The following FGF14 variants were observed in gnomAD, a reference collection of about 807,000 sequenced individuals.
FGF14 encodes the protein fibroblast growth factor 14, also known as fibroblast growth factor homologous factor 4.
A neutral mutation model predicts 25.5 loss-of-function variants in FGF14; 5 were observed. The ratio of observed to expected loss-of-function variants is 0.20; its 90% CI spans 0.10 to 0.41. The LOEUF (loss-of-function observed/expected upper bound fraction) is 0.41. Ranked by LOEUF, FGF14 falls within the 10% of genes least tolerant of loss-of-function variation. The pLI is 1.00. For missense variants in FGF14, 222 were observed against 320.1 expected (o/e 0.69, Z 2.34); for synonymous variants, 138 against 118.3 (o/e 1.17, Z -1.08).
At chr13:102,175,079 G>T (rs2048391994) in intron 1 of FGF14, among the ~76,000 whole-genome samples, 1 of 152,040 alleles carries the variant, frequency 6.6e-6, no homozygotes, top group Admixed American at 6.6e-5. Flanking sequence ...CAATGTCATA[G>T]AAATAGAAAA....
At chr13:102,023,275 C>G (rs963047113) in intron 1 of FGF14, among the ~76,000 whole-genome samples, 2 of 151,966 alleles carry the variant, frequency 1.3e-5, no homozygotes, top group African/African-American at 4.8e-5. Flanking sequence ...AATATATGAA[C>G]TTAAAGTCAA....
chr13:101,978,832 G>A (rs1203196564), intron 1 of FGF14, among the ~76,000 whole-genome samples: 1 of 152,160 alleles, frequency 6.6e-6, no homozygotes, highest in Non-Finnish European at 1.5e-5. Flanking sequence ...CCTGGAAGAG[G>A]AGAATTAATT....
In FGF14 at chr13:102,378,595, A is replaced by ATATCTATCTATC. The variant is rs4000839; in HGVS notation, c.208+22864_208+22875dup. On this transcript the variant is annotated intron_variant, in intron 1 of 4. Coordinates refer to the FGF14 transcript ENST00000376131. ...TACATTAAGTATGTTATATATATCTATATCTATCTATCTATCTATCTATCT... is the reference window on the plus strand; with the variant it reads ...TACATTAAGTATGTTATATATATCTATATCTATCTATCTATCTATCTATCTATCTATCTATCT... 5.5e-3 allele frequency among the ~76,000 whole-genome samples: 772 copies of ATATCTATCTATC among 140,414 alleles called. 4 individuals carry two copies. Among genetic ancestry groups the ATATCTATCTATC allele is most frequent in the Middle Eastern group, 8.1e-3 (2 of 248 alleles). The allele number at this position is 140,414 out of a possible 152,430, so 92.1% of individuals were successfully genotyped here.
chr13:101,872,186 G>C (rs1039074757), intron 2 of FGF14, among the ~76,000 whole-genome samples: 1 of 150,876 alleles, frequency 6.6e-6, no homozygotes, highest in Non-Finnish European at 1.5e-5. Flanking sequence ...TGAGTTTTTG[G>C]TTTTTTTAAA....
At chr13:101,846,125 A>G (rs1006389825) in intron 3 of FGF14, among the ~76,000 whole-genome samples, 2 of 152,018 alleles carry the variant, frequency 1.3e-5, no homozygotes, top group Non-Finnish European at 2.9e-5. Context: ...TAAAACTAGT[A>G]ATAATTAGTG....
At chr13:102,179,687 C>T (rs2048589860) in intron 1 of FGF14, among the ~76,000 whole-genome samples, 2 of 152,206 alleles carry the variant, frequency 1.3e-5, no homozygotes, top group Non-Finnish European at 2.9e-5. Context: ...AATTTAAACA[C>T]CTGTATGTTG....
intron 1 of FGF14, among the ~76,000 whole-genome samples, chr13:102,050,697 G>T (rs61966527): frequency 0.033 from 5,082 of 152,110 alleles, 123 homozygotes; most frequent in African/African-American, 0.058. Flanking sequence ...AAGAAAAAGC[G>T]CAGATAGCTA....
At chr13:101,795,235 G>T (rs764951366) in intron 3 of FGF14, among the ~76,000 whole-genome samples, 1 of 152,090 alleles carries the variant, frequency 6.6e-6, no homozygotes, top group Non-Finnish European at 1.5e-5. Flanking sequence ...AGAAATAGGG[G>T]ACAGGCCAGA....
chr13:101,910,743 A>G (rs569475670), intron 1 of FGF14, among the ~76,000 whole-genome samples: 3 of 152,054 alleles, frequency 2.0e-5, no homozygotes, highest in Non-Finnish European at 4.4e-5. Flanking sequence ...ATTATAGACC[A>G]AAACTATGAA....
intron 1 of FGF14, among the ~76,000 whole-genome samples, chr13:102,155,733 T>TTA (rs1470957156): frequency 6.6e-6 from 1 of 151,468 alleles, no homozygotes; most frequent in Non-Finnish European, 1.5e-5. Context: ...GCTGGTTTTT[T>TTA]TAAAAGATCA....
intron 1 of FGF14, among the ~76,000 whole-genome samples, chr13:101,973,520 C>T (rs865808497): frequency 9.9e-5 from 15 of 152,116 alleles, no homozygotes; most frequent in African/African-American, 3.6e-4. Flanking sequence ...CACACGATCA[C>T]AAGGTCCCAC....
intron 1 of FGF14, among the ~76,000 whole-genome samples, chr13:102,103,677 A>C (rs2044766543): frequency 6.6e-6 from 1 of 152,208 alleles, no homozygotes; most frequent in Non-Finnish European, 1.5e-5. Context: ...CATTTTAACA[A>C]GGTCTCCAGG....
chr13:101,747,599 G>C (rs2036970362), intron 3 of FGF14, among the ~76,000 whole-genome samples: 1 of 151,922 alleles, frequency 6.6e-6, no homozygotes, highest in Non-Finnish European at 1.5e-5. Flanking sequence ...ATGAAAACAT[G>C]CTCAACATTG....
At chr13:102,178,579 T>C (rs514456) in intron 1 of FGF14, among the ~76,000 whole-genome samples, 92,817 of 151,882 alleles carry the variant, frequency 0.61, 30,128 homozygotes, top group East Asian at 0.92. Flanking sequence ...CCTATTATTC[T>C]ATATTCTATG....
At chr13:101,818,574 G>A (rs1002665302) in intron 3 of FGF14, among the ~76,000 whole-genome samples, 1 of 152,144 alleles carries the variant, frequency 6.6e-6, no homozygotes, top group African/African-American at 2.4e-5. Flanking sequence ...TTGTGGTTTT[G>A]GGGGGTAATA....
intron 1 of FGF14, among the ~76,000 whole-genome samples, chr13:101,914,121 A>T (rs919430569): frequency 2.6e-5 from 4 of 151,862 alleles, no homozygotes; most frequent in Non-Finnish European, 5.9e-5. Context: ...TCTGAGGGCA[A>T]TTCCCTATGT....
intron 1 of FGF14, among the ~76,000 whole-genome samples, chr13:102,124,868 C>A (rs2045886718): frequency 6.6e-6 from 1 of 152,088 alleles, no homozygotes; most frequent in South Asian, 2.1e-4. Flanking sequence ...ATATAAAATT[C>A]TTATCTTTAC....
intron 1 of FGF14, among the ~76,000 whole-genome samples, chr13:102,109,946 A>T (rs975672181): frequency 6.6e-6 from 1 of 152,148 alleles, no homozygotes; most frequent in Non-Finnish European, 1.5e-5. Flanking sequence ...AGATTGCAAA[A>T]CACTGCATTA....
At chr13:102,321,035 C>T (rs924599269) in intron 1 of FGF14, among the ~76,000 whole-genome samples, 24 of 152,138 alleles carry the variant, frequency 1.6e-4, no homozygotes, top group African/African-American at 5.8e-4. Flanking sequence ...AAGTTTTGGC[C>T]ATTCAAAAAT....
Sources: allele counts gnomAD v4.1 joint callset (sites outside exome capture counted in the v4.1 genomes callset), GRCh38; gene constraint gnomAD v4.1.1; transcripts MANE v1.5; gene names NCBI Gene and HGNC (gene_info 2026-07-23, HGNC 2026-07-21).